Variants in IL1RAPL2 observed in about 807,000 individuals in gnomAD.
IL1RAPL2 encodes the protein X-linked interleukin-1 receptor accessory protein-like 2.
Under a neutral mutation model 44.1 loss-of-function variants are expected in IL1RAPL2, and 3 were observed. That is an observed-to-expected ratio of 0.07 (90% CI 0.03 to 0.18). The LOEUF (loss-of-function observed/expected upper bound fraction) is 0.18. Among genes scored for constraint, IL1RAPL2 ranks in the 10% least tolerant of loss-of-function variants. The probability of loss-of-function intolerance (pLI) is 1.00; values close to 1 mark genes in which losing one functional copy is unlikely to be tolerated. For synonymous variants in IL1RAPL2, 181 were observed against 178.8 expected, an observed-to-expected ratio of 1.01 and a Z score of -0.10; for missense variants, 391 against 496.4, an observed-to-expected ratio of 0.79 and a Z score of 2.02.
At chrX:105,034,646 C>T (rs1378153424) in intron 2 of IL1RAPL2, among the ~76,000 whole-genome samples, 1 of 112,135 alleles carries the variant, frequency 8.9e-6, no homozygotes, top group Non-Finnish European at 1.9e-5. Flanking sequence ...TGTCAGTCTG[C>T]CCCTACTGGG....
chrX:105,124,067 G>C (rs1232814486), intron 2 of IL1RAPL2, among the ~76,000 whole-genome samples: 5 of 110,663 alleles, frequency 4.5e-5, no homozygotes. Context: ...GGTTTTTAAG[G>C]CACAACCTTG....
At chrX:104,775,000 A>G (rs943710818) in intron 2 of IL1RAPL2, among the ~76,000 whole-genome samples, 2 of 111,960 alleles carry the variant, frequency 1.8e-5, no homozygotes, top group Non-Finnish European at 3.8e-5. Flanking sequence ...TTCCTACTCC[A>G]TCACTGCATT....
At chrX:105,269,570 G>T (rs1212937549) in intron 5 of IL1RAPL2, among the ~76,000 whole-genome samples, 2 of 111,012 alleles carry the variant, frequency 1.8e-5, no homozygotes, top group Non-Finnish European at 3.8e-5. Context: ...ACCATATTGG[G>T]CCAATTCCAA....
intron 2 of IL1RAPL2, among the ~76,000 whole-genome samples, chrX:104,941,160 CAT>C (rs758162672): frequency 5.4e-5 from 6 of 110,646 alleles, no homozygotes; most frequent in Non-Finnish European, 5.7e-5. Context: ...CCGCAATAAA[CAT>C]ATGTGTGCAC....
chrX:105,583,358 T>G (rs2037103257), intron 6 of IL1RAPL2, among the ~76,000 whole-genome samples: 1 of 110,806 alleles, frequency 9.0e-6, no homozygotes, highest in African/African-American at 3.3e-5. Context: ...ATGGTCTCGA[T>G]CTCCTCACCT....
At chrX:105,065,946 AT>A (rs2032132597) in intron 2 of IL1RAPL2, among the ~76,000 whole-genome samples, 1 of 110,093 alleles carries the variant, frequency 9.1e-6, no homozygotes, top group Admixed American at 9.7e-5. Flanking sequence ...CTGGAGGGGG[AT>A]TCTTGAAGTG....
intron 2 of IL1RAPL2, among the ~76,000 whole-genome samples, chrX:105,166,154 G>A (rs2033369878): frequency 9.0e-6 from 1 of 110,929 alleles, no homozygotes; most frequent in African/African-American, 3.3e-5. Context: ...ATAGTACCTG[G>A]CGCATGGTAA....
At chrX:104,931,719 T>C (rs1019271267) in intron 2 of IL1RAPL2, among the ~76,000 whole-genome samples, 3 of 111,548 alleles carry the variant, frequency 2.7e-5, no homozygotes, top group Non-Finnish European at 5.6e-5. Flanking sequence ...AATGTTTAAA[T>C]TATTGAAAAT....
At chrX:105,331,210 T>C (rs1477204168) in intron 5 of IL1RAPL2, among the ~76,000 whole-genome samples, 1 of 111,213 alleles carries the variant, frequency 9.0e-6, no homozygotes, top group Non-Finnish European at 1.9e-5. Flanking sequence ...TTATGCATGG[T>C]CTGTCACACT....
At chrX:105,113,115 G>T (rs1356980064) in intron 2 of IL1RAPL2, among the ~76,000 whole-genome samples, 2 of 112,332 alleles carry the variant, frequency 1.8e-5, no homozygotes, top group Non-Finnish European at 3.8e-5. Context: ...TTATATAGGG[G>T]AGGATACCAA....
At chrX:105,506,959 C>A (rs1359635928) in intron 6 of IL1RAPL2, among the ~76,000 whole-genome samples, 1 of 111,830 alleles carries the variant, frequency 8.9e-6, no homozygotes, top group Non-Finnish European at 1.9e-5. Flanking sequence ...CTTTATGTAA[C>A]AAAATGTAAT....
intron 5 of IL1RAPL2, among the ~76,000 whole-genome samples, chrX:105,394,151 A>G (rs956684033): frequency 3.6e-5 from 4 of 112,300 alleles, no homozygotes; most frequent in African/African-American, 1.3e-4. Context: ...TGGCATTAGC[A>G]ATGCAGCATA....
chrX:104,590,718 C>T (rs1314654303), intron 1 of IL1RAPL2, among the ~76,000 whole-genome samples: 1 of 111,893 alleles, frequency 8.9e-6, no homozygotes, highest in Non-Finnish European at 1.9e-5. Context: ...TTGCTGCTGA[C>T]CTCCTGTGTG....
intron 5 of IL1RAPL2, among the ~76,000 whole-genome samples, chrX:105,367,049 T>C (rs999603070): frequency 1.8e-5 from 2 of 111,877 alleles, no homozygotes; most frequent in African/African-American, 3.2e-5. Flanking sequence ...TTATGACTTC[T>C]TGATGAATTT....
rs750793639 is a variant in IL1RAPL2, at chrX:105,500,344, GA to G, written c.772+15968del. 4.7e-3 allele frequency among the ~76,000 whole-genome samples: 480 copies of G among 102,759 alleles called. 2 individuals are homozygous for G. Among genetic ancestry groups the G allele is most frequent in the African/African-American group, 0.013 (381 of 28,602 alleles). The allele number at this position is 102,759 out of a possible 115,157, so 89.2% of individuals were successfully genotyped here. A position where few individuals can be genotyped will look rare whatever the true frequency, so the allele number is the denominator to read the frequency against. On this transcript the variant is annotated intron_variant, in intron 6 of 10. Transcript: ENST00000372582. ...CATGTTATATGTTAGTTACTACAAT[GA>G]AAAAAAAAAACCAAAAATACAAAAC...
rs1408195619 is a variant in IL1RAPL2, at chrX:105,122,694, A to T, written c.83-72781A>T. On this transcript the variant is annotated intron_variant, in intron 2 of 10. Transcript: ENST00000372582. ...TGGAATTTCTTAGTAAAATGTATTTAGGTAAGTCTACAAGGGACAAGGACC... is the reference window on the plus strand; with the variant it reads ...TGGAATTTCTTAGTAAAATGTATTTTGGTAAGTCTACAAGGGACAAGGACC... 2.7e-5 allele frequency among the ~76,000 whole-genome samples: 3 copies of T among 112,177 alleles called. No homozygotes were observed. The Admixed American group carries it at 2.8e-4, about 11-fold the overall frequency.
At chrX:104,700,696 G>A (rs1293420734) in intron 2 of IL1RAPL2, among the ~76,000 whole-genome samples, 1 of 111,556 alleles carries the variant, frequency 9.0e-6, no homozygotes, top group African/African-American at 3.3e-5. Context: ...GGTGACTACA[G>A]AGGGTGGGGT....
chrX:104,701,928 G>A (rs1358864237), intron 2 of IL1RAPL2, among the ~76,000 whole-genome samples: 1 of 111,823 alleles, frequency 8.9e-6, no homozygotes, highest in East Asian at 2.8e-4. Flanking sequence ...GGATAGTAAT[G>A]CTGATAAAAA....
intron 2 of IL1RAPL2, among the ~76,000 whole-genome samples, chrX:105,033,047 C>A (rs1390101711): frequency 9.0e-6 from 1 of 111,112 alleles, no homozygotes; most frequent in Admixed American, 9.6e-5. Context: ...GGATTGCAAC[C>A]CCTGCCTTTT....
Sources: gnomAD v4.1 joint callset for allele counts (sites outside exome capture counted in the v4.1 genomes callset) on GRCh38, gnomAD v4.1.1 for gene constraint, MANE v1.5 for transcripts, NCBI Gene and HGNC (gene_info 2026-07-23, HGNC 2026-07-21) for gene names.